The following WDR59 variants were observed in gnomAD, a reference collection of about 807,000 sequenced individuals.
WDR59 encodes WD repeat domain 59.
Under a neutral mutation model 131.2 loss-of-function variants are expected in WDR59, and 100 were observed. The observed-to-expected ratio is 0.76, with a 90% confidence interval of 0.65 to 0.90. WDR59 has a LOEUF of 0.90. Ranked by LOEUF, WDR59 falls within the 40% of genes least tolerant of loss-of-function variation. WDR59 has a pLI of 0.00. For synonymous variants in WDR59, 601 were observed against 466.2 expected (o/e 1.29, Z -3.72); for missense variants, 1,203 against 1,262.2 (o/e 0.95, Z 0.71).
intron 7 of WDR59, among the ~76,000 whole-genome samples, chr16:74,940,895 G>A (rs561284472): frequency 3.3e-5 from 5 of 151,912 alleles, no homozygotes; most frequent in African/African-American, 9.6e-5. Flanking sequence ...TAGTACAGAC[G>A]GGGTTTCACC....
intron 8 of WDR59, among the ~76,000 whole-genome samples, chr16:74,932,696 C>T (rs1250515975): frequency 6.6e-6 from 1 of 151,852 alleles, no homozygotes; most frequent in East Asian, 1.9e-4. Flanking sequence ...ACTATGTTGG[C>T]CAGGCTGGTC....
chr16:74,972,981 C>T (rs1408010589), intron 1 of WDR59, among the ~76,000 whole-genome samples: 2 of 151,686 alleles, frequency 1.3e-5, no homozygotes, highest in African/African-American at 4.8e-5. Context: ...GCCTGTAATC[C>T]CAGCACTTTG....
rs1045250428 is a variant in WDR59, at chr16:74,923,820, G to C, written c.729+106C>G. The C allele has an allele frequency of 9.8e-6, 10 of 1,024,640 alleles. No individual in the cohort carries two copies. The African/African-American group carries it at 1.6e-4, about 17-fold the overall frequency. 63.5% of individuals were successfully genotyped at this position (1,024,640 alleles called of 1,614,324 possible). On this transcript the variant is annotated intron_variant, in intron 9 of 25. Transcript: ENST00000262144. Reference sequence around the variant, plus strand: ...TCCCACCACTAAACCAACAGAGAAAGAGAAAATCACCTCACAAAGAAAATA... The same window carrying C: ...TCCCACCACTAAACCAACAGAGAAACAGAAAATCACCTCACAAAGAAAATA...
At chr16:74,914,481 T>C (rs1000297030) in intron 13 of WDR59, among the ~76,000 whole-genome samples, 6 of 152,222 alleles carry the variant, frequency 3.9e-5, no homozygotes, top group African/African-American at 1.4e-4. Flanking sequence ...TCTGGAGACC[T>C]GGATTCACAT....
At chr16:74,929,266 G>A (rs928219760) in intron 8 of WDR59, among the ~76,000 whole-genome samples, 23 of 152,036 alleles carry the variant, frequency 1.5e-4, no homozygotes, top group Admixed American at 2.6e-4. Flanking sequence ...TAGTAGAGAC[G>A]GGGTTTCACT....
At position 74,886,365 on chromosome 16, in the gene WDR59, A is replaced by G; in HGVS notation, c.2451T>C (p.Pro817=). The part of the protein sequence containing the change: ...AGREAEHLSS[P]WGESSPEELR... ...GCTCTTCTGGTGAGGATTCTCCCCA[A>G]GGGGAGGACAAGTGCTCTGCCTCTC... The change falls in exon 24 of 26, where the codon CCT becomes CCC. Residue 817 remains proline (P), a synonymous_variant. Coordinates refer to ENST00000262144, the MANE Select transcript of WDR59 (RefSeq NM_030581.4). 1 of 1,613,810 alleles carries G rather than the reference A, an allele frequency of 6.2e-7. No homozygotes were observed. The highest frequency in any genetic ancestry group is 1.1e-5 in the South Asian group (1 of 91,058).
chr16:74,984,891 G>A (rs898636997), intron 1 of WDR59, 73 bp downstream of exon 1: 3 of 1,564,874 alleles, frequency 1.9e-6, no homozygotes, highest in African/African-American at 1.4e-5. Context: ...CCCCCGGGAC[G>A]GAAGCAGCCG....
chr16:74,899,954 C>T (rs1965470478), intron 18 of WDR59, among the ~76,000 whole-genome samples: 1 of 152,150 alleles, frequency 6.6e-6, no homozygotes, highest in South Asian at 2.1e-4. Context: ...CACCTCCCTC[C>T]CACCCCATCA....
At chr16:74,906,267 TC>T (rs1965811507) in intron 17 of WDR59, among the ~76,000 whole-genome samples, 1 of 115,300 alleles carries the variant, frequency 8.7e-6, no homozygotes. Flanking sequence ...TGAGCTGAGA[TC>T]CAGTCAATAC....
At chr16:74,945,964 T>G (rs112105048) in intron 6 of WDR59, among the ~76,000 whole-genome samples, 4,636 of 151,950 alleles carry the variant, frequency 0.031, 253 homozygotes, top group African/African-American at 0.11. Flanking sequence ...ATTACAGGCA[T>G]GCACCACCAC....
intron 3 of WDR59, among the ~76,000 whole-genome samples, chr16:74,956,137 T>C (rs1472632923): frequency 6.6e-6 from 1 of 152,122 alleles, no homozygotes; most frequent in Non-Finnish European, 1.5e-5. Flanking sequence ...CTCCTTAGAA[T>C]GTCTTTCAAA....
At chr16:74,904,210 G>A (rs1000408140) in intron 17 of WDR59, 110 bp from the exon 18 acceptor site, 1 of 1,328,224 alleles carries the variant, frequency 7.5e-7, no homozygotes, top group South Asian at 1.3e-5. Flanking sequence ...TGAGAAGATG[G>A]AAACTCCAGA....
intron 8 of WDR59, among the ~76,000 whole-genome samples, chr16:74,936,617 G>C (rs2031821384): frequency 6.6e-6 from 1 of 152,046 alleles, no homozygotes; most frequent in Non-Finnish European, 1.5e-5. Flanking sequence ...CTTGAGGTTA[G>C]GAGTTCGAGA....
intron 9 of WDR59, among the ~76,000 whole-genome samples, chr16:74,922,571 C>T (rs764394753): frequency 1.3e-5 from 2 of 152,122 alleles, no homozygotes; most frequent in African/African-American, 2.4e-5. Flanking sequence ...TTCCCGCCCC[C>T]CCGGCACTGC....
At chr16:74,902,536 C>T (rs368257647) in intron 18 of WDR59, among the ~76,000 whole-genome samples, 1 of 152,234 alleles carries the variant, frequency 6.6e-6, no homozygotes, top group Admixed American at 6.5e-5. Flanking sequence ...TACACACCCC[C>T]ACAAAGTGAA....
intron 2 of WDR59, among the ~76,000 whole-genome samples, chr16:74,961,543 A>G (rs770271754): frequency 2.6e-5 from 4 of 152,262 alleles, no homozygotes; most frequent in Non-Finnish European, 4.4e-5. Context: ...TTCTCTAATG[A>G]TCAGTAATGA....
chr16:74,967,483 T>C lies in WDR59; in HGVS notation c.55-1661A>G, dbSNP rs146680066. Reference sequence around the variant, plus strand: ...GTATATACACACCTCTTCCCTGCTATTCAACATTCACTGAACACAAATCTA... The same window carrying C: ...GTATATACACACCTCTTCCCTGCTACTCAACATTCACTGAACACAAATCTA... On this transcript the variant is annotated intron_variant, in intron 1 of 25. Coordinates refer to ENST00000262144, the MANE Select transcript of WDR59 (RefSeq NM_030581.4). 6.6e-5 allele frequency among the ~76,000 whole-genome samples: 10 copies of C among 152,290 alleles called. No individual in the cohort carries two copies. The East Asian group carries it at 1.9e-3, about 29-fold the overall frequency.
At position 74,872,577 on chromosome 16, in the gene WDR59, A is replaced by AG. The variant is rs1567675699; in HGVS notation, c.*1631_*1632insC. On this transcript the variant is annotated 3_prime_UTR_variant, in exon 26 of 26. Coordinates refer to ENST00000262144, the MANE Select transcript of WDR59 (RefSeq NM_030581.4). ...CCTGTCTCTCTCTCTAAAAAAAAAA[A>AG]AAAAAAATTTAACTTTAAAAAAGAA... 6.6e-6 allele frequency: 1 copy of AG among 151,918 alleles called. No homozygotes were observed. Among genetic ancestry groups the AG allele is most frequent in the African/African-American group, 2.4e-5 (1 of 41,358 alleles). The allele number at this position is 151,918 out of a possible 1,614,324, so 9.4% of individuals were successfully genotyped here.
chr16:74,935,350 T>G (rs938842120), intron 8 of WDR59, among the ~76,000 whole-genome samples: 1 of 152,116 alleles, frequency 6.6e-6, no homozygotes, highest in African/African-American at 2.4e-5. Flanking sequence ...AAAAAGATTA[T>G]GTAAAATGAT....
Sources: allele counts gnomAD v4.1 joint callset (sites outside exome capture counted in the v4.1 genomes callset), GRCh38; gene constraint gnomAD v4.1.1; transcripts MANE v1.5; gene names NCBI Gene and HGNC (gene_info 2026-07-23, HGNC 2026-07-21).